The following ELF1 variants were observed in gnomAD, a reference collection of about 807,000 sequenced individuals.
ELF1 encodes E74 like ETS transcription factor 1.
ELF1 carries 24 observed loss-of-function variants against 59.9 expected under a neutral mutation model. The observed-to-expected ratio is 0.40, with a 90% CI of 0.29 to 0.56. ELF1 has a LOEUF of 0.56. ELF1 is among the 20% of genes least tolerant of loss of function. ELF1 has a pLI of 0.44. For missense variants in ELF1, 627 were observed against 742.2 expected (o/e 0.84, Z 1.80); for synonymous variants, 248 against 266.2 (o/e 0.93, Z 0.67).
At chr13:40,992,311 C>T (rs1873897122) in intron 1 of ELF1, among the ~76,000 whole-genome samples, 1 of 152,222 alleles carries the variant, frequency 6.6e-6, no homozygotes, top group Non-Finnish European at 1.5e-5. Flanking sequence ...TGTGAACACA[C>T]ATTTCCATTA....
chr13:41,053,541 C>T (rs9532716), intron 1 of ELF1, among the ~76,000 whole-genome samples: 148,466 of 152,216 alleles, frequency 0.98, 72,495 homozygotes, highest in Non-Finnish European at 1. Context: ...ATTGCTGACC[C>T]CAGATGGCTG....
intron 1 of ELF1, chr13:40,993,243 A>C: frequency 6.3e-7 from 1 of 1,580,516 alleles, no homozygotes; most frequent in Non-Finnish European, 8.7e-7. Context: ...AGCACCAACA[A>C]AAGCAACAGA....
rs1310208274 is a variant in ELF1, at chr13:40,934,028, C to T, written c.1257G>A (p.Arg419=). The change falls in exon 9 of 9, where the codon AGG becomes AGA. Residue 419 remains arginine (R), a splice_region_variant and synonymous_variant. Coordinates refer to ENST00000239882, the MANE Select transcript of ELF1 (RefSeq NM_172373.4). ...GAACTTGGGTTGGAGCCTGTATAGT[C>T]CTATTGAGATGATGAAATTAAAGTG... ...ETLNSSVQSI[R]TIQAPTQVPV... 2 of 1,598,988 alleles carry T rather than the reference C, an allele frequency of 1.3e-6. No homozygotes were observed. The highest frequency in any genetic ancestry group is 1.7e-6 in the Non-Finnish European group (2 of 1,170,686).
intron 1 of ELF1, among the ~76,000 whole-genome samples, chr13:40,996,632 T>C (rs1874140109): frequency 6.6e-6 from 1 of 152,150 alleles, no homozygotes; most frequent in Admixed American, 6.5e-5. Context: ...GTTCATCAAC[T>C]GTAACAAGTG....
chr13:40,953,304 T>C (rs1276358330), intron 3 of ELF1, among the ~76,000 whole-genome samples: 1 of 152,184 alleles, frequency 6.6e-6, no homozygotes, highest in Non-Finnish European at 1.5e-5. Flanking sequence ...TCATCTATTA[T>C]AGGCTGAATG....
upstream of ELF1, among the ~76,000 whole-genome samples, chr13:41,022,961 G>A (rs1421104568): frequency 6.6e-6 from 1 of 152,064 alleles, no homozygotes; most frequent in Non-Finnish European, 1.5e-5. Flanking sequence ...GAGGAAGGGA[G>A]GAAGGAAGAA....
chr13:41,057,602 G>A lies in ELF1; in HGVS notation c.-229+3236C>T, dbSNP rs9562270. 2.7e-3 allele frequency among the ~76,000 whole-genome samples: 418 copies of A among 152,008 alleles called. 8 individuals carry two copies. In the East Asian group the frequency reaches 0.049, roughly 18 times the overall value. On this transcript the variant is annotated intron_variant, in intron 1 of 1. Coordinates refer to the ELF1 transcript ENST00000405737. ...GTATTTTTGGTAGAGATGGGATTTC[G>A]CCATGTTGATCCACCTGCCTCAGCC...
chr13:41,003,654 GT>G (rs1874587362), intron 1 of ELF1, among the ~76,000 whole-genome samples: 2 of 152,094 alleles, frequency 1.3e-5, no homozygotes, highest in Admixed American at 6.6e-5. Context: ...GAAGCAAAAA[GT>G]AATAAAGAGA....
chr13:40,973,588 T>C (rs1054957087), intron 2 of ELF1, among the ~76,000 whole-genome samples: 11 of 151,708 alleles, frequency 7.3e-5, no homozygotes, highest in African/African-American at 2.4e-4. Flanking sequence ...AGGTGTCAAA[T>C]GTTAGGGGAA....
At chr13:40,968,795 T>C (rs367612401) in intron 2 of ELF1, among the ~76,000 whole-genome samples, 2 of 151,560 alleles carry the variant, frequency 1.3e-5, no homozygotes, top group African/African-American at 2.4e-5. Context: ...TCACAGCTCA[T>C]TGCAGCCTTG....
chr13:40,953,768 G>A (rs1027890346), intron 3 of ELF1, among the ~76,000 whole-genome samples: 1 of 152,126 alleles, frequency 6.6e-6, no homozygotes, highest in Non-Finnish European at 1.5e-5. Context: ...GTGGAATAAC[G>A]AAGATTACAA....
intron 1 of ELF1, among the ~76,000 whole-genome samples, chr13:41,027,231 A>G (rs968527750): frequency 6.6e-6 from 1 of 152,260 alleles, no homozygotes; most frequent in African/African-American, 2.4e-5. Flanking sequence ...TTGGGGCAGA[A>G]CAGATCTCTC....
intron 1 of ELF1, among the ~76,000 whole-genome samples, chr13:41,000,055 GCTGA>G (rs1874336413): frequency 6.6e-6 from 1 of 152,036 alleles, no homozygotes; most frequent in Non-Finnish European, 1.5e-5. Flanking sequence ...AATAGATGAT[GCTGA>G]CTTAGTTATC....
At chr13:41,041,624 A>G (rs940795646) in intron 1 of ELF1, among the ~76,000 whole-genome samples, 2 of 152,110 alleles carry the variant, frequency 1.3e-5, no homozygotes, top group African/African-American at 4.8e-5. Context: ...GCAGTGAGCC[A>G]TTATTGCGCC....
chr13:40,969,213 CG>C (rs1268528507), intron 2 of ELF1, among the ~76,000 whole-genome samples: 20 of 152,212 alleles, frequency 1.3e-4, no homozygotes, highest in Non-Finnish European at 2.8e-4. Context: ...AGTAAAAAAT[CG>C]CACTAATCCT....
At chr13:40,967,296 G>A (rs1286239892) in intron 2 of ELF1, among the ~76,000 whole-genome samples, 4 of 152,204 alleles carry the variant, frequency 2.6e-5, no homozygotes, top group Non-Finnish European at 5.9e-5. Flanking sequence ...GGGTGTAACA[G>A]TAAAAACTCA....
chr13:40,936,137 C>G (rs1162645591), intron 8 of ELF1, among the ~76,000 whole-genome samples: 1 of 152,100 alleles, frequency 6.6e-6, no homozygotes, highest in African/African-American at 2.4e-5. Flanking sequence ...GATGCACAAA[C>G]AGGTTGCAAC....
At chr13:40,978,917 G>C (rs1320023036) in intron 2 of ELF1, among the ~76,000 whole-genome samples, 1 of 152,016 alleles carries the variant, frequency 6.6e-6, no homozygotes, top group Non-Finnish European at 1.5e-5. Context: ...TACATGTGCA[G>C]GTTTGTTACA....
At chr13:40,983,197 A>C (rs1873377326) in intron 1 of ELF1, among the ~76,000 whole-genome samples, 1 of 152,264 alleles carries the variant, frequency 6.6e-6, no homozygotes, top group South Asian at 2.1e-4. Context: ...CCTGAAAAGA[A>C]AGATACAAAA....
Sources: allele counts gnomAD v4.1 joint callset (sites outside exome capture counted in the v4.1 genomes callset), GRCh38; gene constraint gnomAD v4.1.1; transcripts MANE v1.5; gene names NCBI Gene and HGNC (gene_info 2026-07-23, HGNC 2026-07-21).